The following FUBP3 variants were observed in gnomAD, a reference collection of about 807,000 sequenced individuals.
FUBP3 encodes far upstream element-binding protein 3.
A neutral mutation model predicts 85.6 loss-of-function variants in FUBP3; 28 were observed. The observed-to-expected ratio is 0.33, with a 90% CI of 0.24 to 0.45. The LOEUF (loss-of-function observed/expected upper bound fraction) is 0.45. Among genes scored for constraint, FUBP3 ranks in the 20% least tolerant of loss-of-function variants. The probability of loss-of-function intolerance (pLI) is 1.00; values close to 1 mark genes in which losing one functional copy is unlikely to be tolerated. For missense variants in FUBP3, 583 were observed against 755.1 expected (o/e 0.77, Z 2.67); for synonymous variants, 271 against 271.4 (o/e 1.00, Z 0.01).
At chr9:130,614,624 T>G (rs1365060088) in intron 6 of FUBP3, among the ~76,000 whole-genome samples, 2 of 152,190 alleles carry the variant, frequency 1.3e-5, no homozygotes, top group African/African-American at 4.8e-5. Flanking sequence ...ACCTGAATGC[T>G]CTAATCAACT....
intron 9 of FUBP3, among the ~76,000 whole-genome samples, chr9:130,622,461 A>T (rs1390716109): frequency 6.6e-6 from 1 of 152,002 alleles, no homozygotes; most frequent in Non-Finnish European, 1.5e-5. Context: ...GTGAAATCTC[A>T]TCTGTACTAA....
Position 130,635,747 on chromosome 9 carries a change from G to A in FUBP3, c.1583-252G>A. 2.5e-6 allele frequency: 1 copy of A among 404,486 alleles called. No homozygotes were observed. The highest frequency in any genetic ancestry group is 4.4e-6 in the Non-Finnish European group (1 of 225,406). The allele number at this position is 404,486 out of a possible 1,614,324, so 25.1% of individuals were successfully genotyped here. A position where few individuals can be genotyped will look rare whatever the true frequency, so the allele number is the denominator to read the frequency against. On this transcript the variant is annotated intron_variant, in intron 17 of 18. Coordinates refer to ENST00000319725, the MANE Select transcript of FUBP3 (RefSeq NM_003934.2). This position sits in a 1 kb window ranked among gnomAD's most constrained non-coding sequence, Gnocchi z 4.3. ...GAAGGGGCAGGCAGGGAGATGCAGA[G>A]AATGCGCTTCCGCAGAGAGAAGGCA...
intron 1 of FUBP3, among the ~76,000 whole-genome samples, chr9:130,580,015 C>T (rs1323311585): frequency 1.3e-5 from 2 of 152,228 alleles, no homozygotes; most frequent in Non-Finnish European, 2.9e-5. Context: ...CTTAGAGCGT[C>T]TGGCCCCATC....
At chr9:130,626,064 C>T (rs1177914204) in intron 11 of FUBP3, among the ~76,000 whole-genome samples, 2 of 152,088 alleles carry the variant, frequency 1.3e-5, no homozygotes, top group Non-Finnish European at 2.9e-5. Context: ...GAGGAAAGCT[C>T]CAGGGAGAAA....
At position 130,632,032 on chromosome 9, in the gene FUBP3, C is replaced by G. The variant is rs1343096542; in HGVS notation, c.1433+10C>G. ...ACAGCACCCCTGTGAGGTAGGTGACCTGCTGTGACTCAGTTGGGGACAGAC... is the reference window on the plus strand; with the variant it reads ...ACAGCACCCCTGTGAGGTAGGTGACGTGCTGTGACTCAGTTGGGGACAGAC... On this transcript the variant is annotated intron_variant, in intron 15 of 18. Transcript: ENST00000319725. 1.3e-6 allele frequency: 2 copies of G among 1,598,720 alleles called. No individual in the cohort carries two copies.
chr9:130,595,181 A>G (rs1007177502), intron 1 of FUBP3, among the ~76,000 whole-genome samples: 9 of 148,724 alleles, frequency 6.1e-5, no homozygotes, highest in South Asian at 2.1e-4. Context: ...AGCCAAGATC[A>G]TGCCATTGCA....
intron 1 of FUBP3, among the ~76,000 whole-genome samples, chr9:130,590,622 A>G (rs894750583): frequency 6.6e-5 from 10 of 152,204 alleles, no homozygotes; most frequent in Admixed American, 4.6e-4. Flanking sequence ...CTCCTGGCCT[A>G]CAGCATTATG....
intron 2 of FUBP3, among the ~76,000 whole-genome samples, chr9:130,599,296 AATACAT>A: frequency 6.6e-6 from 1 of 152,228 alleles, no homozygotes; most frequent in Non-Finnish European, 1.5e-5. Context: ...CATCTCAAAA[AATACAT>A]ATATACATAT....
chr9:130,585,550 G>A (rs1401425311), intron 1 of FUBP3, among the ~76,000 whole-genome samples: 1 of 152,162 alleles, frequency 6.6e-6, no homozygotes, highest in Non-Finnish European at 1.5e-5. Context: ...AAGAGATCAT[G>A]GGCAGTTAAG....
chr9:130,626,224 G>A (rs919852846), intron 11 of FUBP3, 140 bp from the exon 12 acceptor site: 5 of 849,754 alleles, frequency 5.9e-6, no homozygotes, highest in Non-Finnish European at 8.9e-6. Context: ...GAGCCCTTCA[G>A]AATGGGAAGT....
rs771549073 is a variant in FUBP3, at chr9:130,598,501, C to T, written c.190+2913C>T. ...GGCAGACAACTTAGTTTTGTTTTTA[C>T]GTTGCTGTCTCAAGAGGAACCAAAG... is the stretch of plus-strand genomic sequence containing the variant. On this transcript the variant is annotated intron_variant, in intron 2 of 18. Coordinates refer to ENST00000319725, the MANE Select transcript of FUBP3 (RefSeq NM_003934.2). Among the ~76,000 whole-genome samples the T allele has an allele frequency of 2.9e-4, 44 of 152,162 alleles. 1 individual carries two copies. Among genetic ancestry groups the T allele is most frequent in the Admixed American group, 2.6e-3 (40 of 15,270 alleles).
intron 9 of FUBP3, among the ~76,000 whole-genome samples, chr9:130,620,823 G>A (rs575520636): frequency 6.6e-6 from 1 of 152,320 alleles, no homozygotes; most frequent in Admixed American, 6.5e-5. Flanking sequence ...ATCTATCCTA[G>A]AGAATGAAAT....
At chr9:130,596,897 T>G (rs540310706) in intron 2 of FUBP3, among the ~76,000 whole-genome samples, 12 of 152,196 alleles carry the variant, frequency 7.9e-5, no homozygotes, top group African/African-American at 2.4e-4. Flanking sequence ...CCTCAAGCAT[T>G]TATCTTTTGA....
intron 3 of FUBP3, 25 bp downstream of exon 3, chr9:130,610,012 A>G: frequency 2.0e-6 from 3 of 1,537,698 alleles, no homozygotes; most frequent in Non-Finnish European, 2.7e-6. Flanking sequence ...ACGTTTTATT[A>G]TTTATTGATC....
rs77695114 is a variant in FUBP3 at position 130,593,390 on chromosome 9, T to A, written c.85-2093T>A. On this transcript the variant is annotated intron_variant, in intron 1 of 18. Coordinates refer to ENST00000319725, the MANE Select transcript of FUBP3 (RefSeq NM_003934.2). ...CCCATCACACAGTAGGTACTTAACA[T>A]TTGTTGGGTGAATTGCCTTGTTTTA... 5.9e-3 allele frequency among the ~76,000 whole-genome samples: 893 copies of A among 152,290 alleles called. 10 individuals carry two copies. Among genetic ancestry groups the A allele is most frequent in the African/African-American group, 0.021 (875 of 41,576 alleles).
chr9:130,633,700 C>T (rs1392466390), intron 16 of FUBP3, among the ~76,000 whole-genome samples: 1 of 152,202 alleles, frequency 6.6e-6, no homozygotes. Context: ...CCTCCGCGTC[C>T]GAGGGAAGAG....
At chr9:130,633,467 G>A (rs2119129537) in intron 16 of FUBP3, among the ~76,000 whole-genome samples, 1 of 152,318 alleles carries the variant, frequency 6.6e-6, no homozygotes, top group Admixed American at 6.5e-5. Flanking sequence ...TGAGGCCTGG[G>A]AGGCCTTCAG....
In FUBP3 at chr9:130,616,745, G is replaced by A. The variant is rs565269366; in HGVS notation, c.567+228G>A. Among the ~76,000 whole-genome samples the A allele has an allele frequency of 6.6e-5, 10 of 152,342 alleles. No homozygotes were observed. Among genetic ancestry groups the A allele is most frequent in the Middle Eastern group, 3.4e-3 (1 of 294 alleles). ...CTAGGGCAGGTGTGCCCTATCAGGG[G>A]CCCCAGTGAACTTTGAGCAGCCTTT... is the stretch of plus-strand genomic sequence containing the variant. On this transcript the variant is annotated intron_variant, in intron 7 of 18. Coordinates refer to ENST00000319725, the MANE Select transcript of FUBP3 (RefSeq NM_003934.2). The surrounding 1 kb of genome is among the most constrained non-coding windows in gnomAD (Gnocchi z 4.7).
intron 2 of FUBP3, among the ~76,000 whole-genome samples, chr9:130,595,883 C>A (rs7046334): frequency 6.6e-6 from 1 of 152,010 alleles, no homozygotes; most frequent in African/African-American, 2.4e-5. Flanking sequence ...GCCTAACTCC[C>A]TTCTTCAGTG....
Sources: gnomAD v4.1 joint callset for allele counts (sites outside exome capture counted in the v4.1 genomes callset) on GRCh38, gnomAD v4.1.1 for gene constraint, Gnocchi (gnomAD v3.1) non-coding constraint, MANE v1.5 for transcripts, NCBI Gene and HGNC (gene_info 2026-07-23, HGNC 2026-07-21) for gene names.